The following TIAM2 variants were observed in gnomAD, a reference collection of about 807,000 sequenced individuals.
TIAM2 encodes TIAM Rac1 associated GEF 2.
A neutral mutation model predicts 152.9 loss-of-function variants in TIAM2; 80 were observed. The ratio of observed to expected loss-of-function variants is 0.52; its 90% CI spans 0.44 to 0.63. The LOEUF (loss-of-function observed/expected upper bound fraction) is 0.63, where lower values mean the gene tolerates loss of function less well. Ranked by LOEUF, TIAM2 falls within the 30% of genes least tolerant of loss-of-function variation. The probability of loss-of-function intolerance (pLI) is 0.00; values close to 1 mark genes in which losing one functional copy is unlikely to be tolerated. For missense variants in TIAM2, 1,965 were observed against 2,120.1 expected (o/e 0.93, Z 1.44); for synonymous variants, 804 against 838.0 (o/e 0.96, Z 0.70).
chr6:155,188,272 C>T (rs537605315), intron 14 of TIAM2, among the ~76,000 whole-genome samples: 5 of 152,170 alleles, frequency 3.3e-5, no homozygotes, highest in South Asian at 2.1e-4. Context: ...TTTGGCAAAT[C>T]GCTTACACTG....
At chr6:155,142,905 A>G (rs1583212211) in intron 5 of TIAM2, among the ~76,000 whole-genome samples, 2 of 152,326 alleles carry the variant, frequency 1.3e-5, no homozygotes, top group African/African-American at 4.8e-5. Flanking sequence ...TATCGGTTCT[A>G]TTGTATAAAC....
At chr6:155,198,383 C>T (rs1410999107) in intron 14 of TIAM2, among the ~76,000 whole-genome samples, 1 of 152,156 alleles carries the variant, frequency 6.6e-6, no homozygotes, top group Non-Finnish European at 1.5e-5. Flanking sequence ...CTTAATGAGG[C>T]CGGGCGTGGT....
At chr6:155,039,756 T>A (rs1776987258) in intron 1 of TIAM2, among the ~76,000 whole-genome samples, 2 of 152,268 alleles carry the variant, frequency 1.3e-5, no homozygotes, top group Admixed American at 1.3e-4. Flanking sequence ...ATGAGTTTAA[T>A]GTAACTTGTC....
At chr6:155,082,666 CAATAAATAAATAAATAAATAAATA>C (rs200019932) in intron 1 of TIAM2, among the ~76,000 whole-genome samples, 1 of 141,348 alleles carries the variant, frequency 7.1e-6, no homozygotes, top group Non-Finnish European at 1.5e-5. Context: ...AAAAAAACCC[CAATAAATAAATAAATAAATAAATA>C]AATAAATAAA....
chr6:154,998,333 C>T (rs1232102850), intron 1 of TIAM2, among the ~76,000 whole-genome samples: 1 of 152,070 alleles, frequency 6.6e-6, no homozygotes, highest in Non-Finnish European at 1.5e-5. Flanking sequence ...TTAAGCCATC[C>T]TAAAGTGAGA....
intron 1 of TIAM2, among the ~76,000 whole-genome samples, chr6:155,039,126 A>G (rs1776974184): frequency 1.3e-5 from 2 of 151,380 alleles, no homozygotes; most frequent in South Asian, 4.2e-4. Flanking sequence ...GCACCTGGCT[A>G]ACTTTCATTT....
At chr6:155,179,603 C>A in intron 12 of TIAM2, 147 bp downstream of exon 12, 2 of 701,352 alleles carry the variant, frequency 2.9e-6, no homozygotes, top group South Asian at 2.3e-5. Context: ...TCTCTTCCTT[C>A]ATTTCTATTT....
At chr6:155,097,084 G>A (rs547744920) in intron 2 of TIAM2, among the ~76,000 whole-genome samples, 176 of 152,156 alleles carry the variant, frequency 1.2e-3, no homozygotes, top group African/African-American at 4.0e-3. Flanking sequence ...GTTTTGATTT[G>A]CATTTCTCTG....
intron 1 of TIAM2, among the ~76,000 whole-genome samples, chr6:155,043,715 C>T (rs1402658287): frequency 6.6e-6 from 1 of 151,914 alleles, no homozygotes; most frequent in Non-Finnish European, 1.5e-5. Context: ...CCTGCACCCC[C>T]ACTCCCAGTG....
At chr6:155,134,223 A>G (rs1326307615) in intron 4 of TIAM2, among the ~76,000 whole-genome samples, 34 of 152,130 alleles carry the variant, frequency 2.2e-4, no homozygotes, top group Non-Finnish European at 7.3e-5. Flanking sequence ...TAAGAATTCT[A>G]GCTGAACCTA....
chr6:155,187,467 C>A (rs1000995504), intron 14 of TIAM2, among the ~76,000 whole-genome samples: 1 of 151,818 alleles, frequency 6.6e-6, no homozygotes, highest in African/African-American at 2.4e-5. Context: ...GTGCCCAAGA[C>A]TCACCTGCTG....
intron 2 of TIAM2, among the ~76,000 whole-genome samples, chr6:155,108,698 A>G (rs1397888071): frequency 6.6e-6 from 1 of 152,044 alleles, no homozygotes; most frequent in African/African-American, 2.4e-5. Flanking sequence ...TTAGTTTTCC[A>G]GTGGGTAAGT....
intron 13 of TIAM2, 23 bp downstream of exon 13, chr6:155,182,341 CT>C: frequency 6.3e-7 from 1 of 1,585,532 alleles, no homozygotes. Context: ...CACCGTGCCC[CT>C]GTTGCCTCTT....
At position 154,995,349 on chromosome 6, in the gene TIAM2, G is replaced by A. The variant is rs1778194753; in HGVS notation, c.-352G>A. ...CGTAACTGTGGCCGCGGCCGCCGCA[G>A]GCGCACAGCGCGCGTCCAAGTGGAG... On this transcript the variant is annotated 5_prime_UTR_variant, in exon 1 of 27. Transcript: ENST00000682666. This position sits in a 1 kb window ranked among gnomAD's most constrained non-coding sequence, Gnocchi z 5.2. 6.6e-6 allele frequency: 1 copy of A among 151,194 alleles called. No homozygotes were observed. Among genetic ancestry groups the A allele is most frequent in the African/African-American group, 2.4e-5 (1 of 41,338 alleles). The allele number at this position is 151,194 out of a possible 1,614,324, so 9.4% of individuals were successfully genotyped here. A position where few individuals can be genotyped will look rare whatever the true frequency, so the allele number is the denominator to read the frequency against.
intron 1 of TIAM2, among the ~76,000 whole-genome samples, chr6:154,999,252 A>T (rs888416830): frequency 6.6e-6 from 1 of 151,986 alleles, no homozygotes; most frequent in Non-Finnish European, 1.5e-5. Context: ...TCGCTCTGTC[A>T]CCCAGGTTGG....
chr6:155,064,815 C>G (rs1777652878), intron 1 of TIAM2, among the ~76,000 whole-genome samples: 1 of 152,120 alleles, frequency 6.6e-6, no homozygotes, highest in East Asian at 1.9e-4. Context: ...ATCTCTCTCC[C>G]TTTCCCTTCC....
At chr6:155,043,584 C>CCTCT (rs1777094301) in intron 1 of TIAM2, among the ~76,000 whole-genome samples, 1 of 137,036 alleles carries the variant, frequency 7.3e-6, no homozygotes, top group Non-Finnish European at 1.5e-5. Flanking sequence ...CAGTAAGCAG[C>CCTCT]GATTGTGCCA....
At chr6:155,009,780 GT>G (rs1000958228) in intron 1 of TIAM2, among the ~76,000 whole-genome samples, 1 of 152,178 alleles carries the variant, frequency 6.6e-6, no homozygotes, top group Admixed American at 6.5e-5. Context: ...ACCTAATACA[GT>G]TGTGAATCCA....
At chr6:155,068,243 C>T (rs1777749612) in intron 1 of TIAM2, among the ~76,000 whole-genome samples, 1 of 152,164 alleles carries the variant, frequency 6.6e-6, no homozygotes, top group Non-Finnish European at 1.5e-5. Context: ...TCTGGAGCCT[C>T]TCTGCATCAA....
Sources: allele counts gnomAD v4.1 joint callset (sites outside exome capture counted in the v4.1 genomes callset), GRCh38; gene constraint gnomAD v4.1.1; non-coding constraint Gnocchi (gnomAD v3.1); transcripts MANE v1.5; gene names NCBI Gene and HGNC (gene_info 2026-07-23, HGNC 2026-07-21).